LPP: variants seen among roughly 807,000 people sequenced by gnomAD.
The protein encoded by LPP is lipoma-preferred partner.
LPP carries 38 observed loss-of-function variants against 60.4 expected under a neutral mutation model. The observed-to-expected ratio is 0.63, with a 90% CI of 0.49 to 0.83. LPP has a LOEUF of 0.83. LPP is among the 40% of genes least tolerant of loss of function. LPP has a pLI of 0.00. For synonymous variants in LPP, 328 were observed against 290.8 expected (o/e 1.13, Z -1.30); for missense variants, 902 against 783.6 (o/e 1.15, Z -1.80).
At chr3:188,721,683 C>A (rs1012043199) in intron 8 of LPP, among the ~76,000 whole-genome samples, 2 of 152,154 alleles carry the variant, frequency 1.3e-5, no homozygotes, top group African/African-American at 4.8e-5. Flanking sequence ...GAAATGGTGT[C>A]CTCAAGCTTA....
chr3:188,710,181 C>T (rs1055574909), intron 8 of LPP: 1 of 152,170 alleles, frequency 6.6e-6, no homozygotes, highest in Non-Finnish European at 1.5e-5. Context: ...GGTCAACTGA[C>T]CACACCAGTC....
chr3:188,366,315 G>A (rs915449777), intron 3 of LPP, among the ~76,000 whole-genome samples: 1 of 152,090 alleles, frequency 6.6e-6, no homozygotes, highest in African/African-American at 2.4e-5. Flanking sequence ...TCCACATCCT[G>A]GCTATTGTGA....
chr3:188,242,812 A>T (rs541436104), intron 2 of LPP, among the ~76,000 whole-genome samples: 1 of 152,196 alleles, frequency 6.6e-6, no homozygotes, highest in Non-Finnish European at 1.5e-5. Context: ...TTTGTAGGGG[A>T]TGATATTGAA....
intron 2 of LPP, among the ~76,000 whole-genome samples, chr3:188,327,550 T>C (rs1181133909): frequency 6.6e-6 from 1 of 152,228 alleles, no homozygotes; most frequent in African/African-American, 2.4e-5. Context: ...TAGTGGAGTC[T>C]GAATTCTGAT....
At chr3:188,448,477 T>C (rs1795838962) in intron 4 of LPP, among the ~76,000 whole-genome samples, 1 of 152,024 alleles carries the variant, frequency 6.6e-6, no homozygotes, top group South Asian at 2.1e-4. Flanking sequence ...TATATTTAGA[T>C]ATCTTTATCT....
chr3:188,548,899 C>T lies in LPP; in HGVS notation c.429+24112C>T, dbSNP rs558607312. 1.0e-3 allele frequency among the ~76,000 whole-genome samples: 157 copies of T among 152,246 alleles called. 5 individuals are homozygous for T. The South Asian group carries it at 0.031, about 31-fold the overall frequency. On this transcript the variant is annotated intron_variant, in intron 6 of 11. Transcript: ENST00000617246. ...CTTGGAGGTCTTTGGGTCCAGTCCT[C>T]AAGGAATCAAAATTACATCTAGGTA...
intron 1 of LPP, among the ~76,000 whole-genome samples, chr3:188,195,770 T>C (rs1009398061): frequency 6.6e-6 from 1 of 152,220 alleles, no homozygotes; most frequent in African/African-American, 2.4e-5. Flanking sequence ...AATGCATTTC[T>C]CCTATGATTT....
Position 188,441,007 on chromosome 3 carries a change from G to A in LPP, c.193+34694G>A, listed in dbSNP as rs911975255. Among the ~76,000 whole-genome samples the A allele has an allele frequency of 5.0e-5, 7 of 139,440 alleles. No individual in the cohort carries two copies. In the South Asian group the frequency reaches 1.9e-3, roughly 38 times the overall value. The allele number at this position is 139,440 out of a possible 152,430, so 91.5% of individuals were successfully genotyped here. ...CATCAGATATATGGATTGATGCAGT[G>A]TACTCTCTCTCCCTTAATATGTGTG... is the stretch of plus-strand genomic sequence containing the variant. On this transcript the variant is annotated intron_variant, in intron 4 of 11. Transcript: ENST00000617246.
At chr3:188,463,831 G>A (rs959528703) in intron 4 of LPP, among the ~76,000 whole-genome samples, 2 of 152,112 alleles carry the variant, frequency 1.3e-5, no homozygotes, top group Non-Finnish European at 2.9e-5. Flanking sequence ...AGGATCTCCT[G>A]AGAAACCCTT....
intron 3 of LPP, among the ~76,000 whole-genome samples, chr3:188,350,533 C>T (rs768802096): frequency 2.0e-5 from 3 of 152,090 alleles, no homozygotes; most frequent in Non-Finnish European, 4.4e-5. Context: ...TTTGGTGAAC[C>T]CTAGACTCTA....
chr3:188,877,193 C>A lies in LPP; in HGVS notation c.*2714C>A, dbSNP rs1224902848. 5.7e-6 allele frequency: 1 copy of A among 175,056 alleles called. No individual in the cohort carries two copies. Among genetic ancestry groups the A allele is most frequent in the African/African-American group, 2.4e-5 (1 of 42,142 alleles). 10.8% of individuals were successfully genotyped at this position (175,056 alleles called of 1,614,324 possible). ...ATTTGATTTAAACAATGCCAAGTCA[C>A]TCTTTTTTAGTTGCATGAAATTTTG... On this transcript the variant is annotated 3_prime_UTR_variant, in exon 12 of 12. Coordinates refer to ENST00000617246, the MANE Select transcript of LPP (RefSeq NM_001375462.1).
chr3:188,324,570 T>A (rs576175845), intron 2 of LPP, among the ~76,000 whole-genome samples: 1 of 152,254 alleles, frequency 6.6e-6, no homozygotes. Context: ...AGTGCGTGTT[T>A]GTTCTGCCTC....
intron 9 of LPP, among the ~76,000 whole-genome samples, chr3:188,857,710 A>G (rs1309854386): frequency 1.3e-5 from 2 of 152,244 alleles, no homozygotes; most frequent in African/African-American, 2.4e-5. Flanking sequence ...AGAAATCTAG[A>G]AGCCCATTTT....
intron 4 of LPP, among the ~76,000 whole-genome samples, chr3:188,480,614 C>T (rs1178759222): frequency 2.6e-5 from 4 of 152,152 alleles, no homozygotes; most frequent in South Asian, 2.1e-4. Flanking sequence ...TTTGATACAT[C>T]GCTGCCAATT....
intron 9 of LPP, among the ~76,000 whole-genome samples, chr3:188,785,650 C>T (rs1042807409): frequency 6.0e-5 from 9 of 150,314 alleles, no homozygotes; most frequent in African/African-American, 2.0e-4. Context: ...TTTGCAATTG[C>T]GAATTGTGCT....
intron 1 of LPP, among the ~76,000 whole-genome samples, chr3:188,213,226 C>A (rs1199042690): frequency 6.6e-6 from 1 of 152,040 alleles, no homozygotes; most frequent in Non-Finnish European, 1.5e-5. Context: ...TAAGAGTATG[C>A]AAAATGTTGA....
At chr3:188,720,657 C>T (rs1055167288) in intron 8 of LPP, among the ~76,000 whole-genome samples, 38 of 150,448 alleles carry the variant, frequency 2.5e-4, no homozygotes, top group Non-Finnish European at 8.8e-5. Context: ...AGTTAATGAC[C>T]TTATCCCAAT....
At chr3:188,521,174 C>A (rs972033172) in intron 5 of LPP, among the ~76,000 whole-genome samples, 5 of 152,138 alleles carry the variant, frequency 3.3e-5, no homozygotes, top group African/African-American at 1.2e-4. Flanking sequence ...TTTGCACAAT[C>A]TTCTCCCCTC....
intron 2 of LPP, among the ~76,000 whole-genome samples, chr3:188,269,893 C>T (rs1339282426): frequency 2.0e-5 from 3 of 152,170 alleles, no homozygotes; most frequent in Non-Finnish European, 4.4e-5. Context: ...AGTGATCCAC[C>T]CACCTTGGCC....
Sources: allele counts gnomAD v4.1 joint callset (sites outside exome capture counted in the v4.1 genomes callset), GRCh38; gene constraint gnomAD v4.1.1; transcripts MANE v1.5; gene names NCBI Gene and HGNC (gene_info 2026-07-23, HGNC 2026-07-21).